Variants in DPYD observed in about 807,000 individuals in gnomAD.
DPYD encodes dihydropyrimidine dehydrogenase.
In DPYD, 109 loss-of-function variants were observed where a neutral mutation model predicts 116.2. That is an observed-to-expected ratio of 0.94 (90% CI 0.80 to 1.10). The LOEUF is 1.10. Among genes scored for constraint, DPYD ranks in the 50% least tolerant of loss-of-function variants. DPYD has a pLI of 0.00. For missense variants in DPYD, 1,302 were observed against 1,254.5 expected (o/e 1.04, Z -0.57); for synonymous variants, 440 against 432.0 (o/e 1.02, Z -0.23).
chr1:97,258,561 G>A (rs372843497), intron 18 of DPYD, among the ~76,000 whole-genome samples: 66 of 152,182 alleles, frequency 4.3e-4, no homozygotes, highest in African/African-American at 1.4e-3. Flanking sequence ...TATTTCCCAA[G>A]ATCAACTCCC....
At chr1:97,188,385 T>C (rs1658141207) in intron 20 of DPYD, among the ~76,000 whole-genome samples, 1 of 152,210 alleles carries the variant, frequency 6.6e-6, no homozygotes, top group South Asian at 2.1e-4. Flanking sequence ...TAATTATACA[T>C]TGACTTTCTT....
intron 19 of DPYD, among the ~76,000 whole-genome samples, chr1:97,233,375 G>A (rs1042865520): frequency 2.6e-5 from 4 of 152,078 alleles, no homozygotes; most frequent in East Asian, 3.9e-4. Flanking sequence ...GGGGGAGGAC[G>A]GACACCTCAT....
intron 2 of DPYD, among the ~76,000 whole-genome samples, chr1:97,838,838 C>T (rs1042549655): frequency 1.3e-5 from 2 of 150,732 alleles, no homozygotes; most frequent in Non-Finnish European, 3.0e-5. Flanking sequence ...GGCGACAGAG[C>T]GAGACTCCGT....
At chr1:97,627,648 G>A (rs982641796) in intron 8 of DPYD, among the ~76,000 whole-genome samples, 2 of 152,012 alleles carry the variant, frequency 1.3e-5, no homozygotes, top group African/African-American at 4.8e-5. Flanking sequence ...CTAGCAACTT[G>A]TAAAATTCCT....
chr1:97,911,066 G>T (rs1673908115), intron 1 of DPYD, among the ~76,000 whole-genome samples: 1 of 151,802 alleles, frequency 6.6e-6, no homozygotes, highest in African/African-American at 2.4e-5. Flanking sequence ...TCACCTAATT[G>T]TTTATTTAAA....
intron 19 of DPYD, among the ~76,000 whole-genome samples, chr1:97,219,395 A>T (rs570705656): frequency 6.6e-6 from 1 of 152,182 alleles, no homozygotes; most frequent in Non-Finnish European, 1.5e-5. Context: ...TTCTGGAAAG[A>T]GATGTGTGTT....
intron 3 of DPYD, among the ~76,000 whole-genome samples, chr1:97,771,803 G>T (rs1392968135): frequency 6.6e-6 from 1 of 152,070 alleles, no homozygotes; most frequent in African/African-American, 2.4e-5. Context: ...AAGGAAAAAA[G>T]CCATTGCTGT....
chr1:97,461,528 A>C (rs2101824564), intron 13 of DPYD, among the ~76,000 whole-genome samples: 1 of 152,310 alleles, frequency 6.6e-6, no homozygotes, highest in South Asian at 2.1e-4. Flanking sequence ...GGAAAGAAAA[A>C]AATGAGGAGG....
intron 3 of DPYD, among the ~76,000 whole-genome samples, chr1:97,748,362 A>G (rs546597496): frequency 6.6e-6 from 1 of 152,280 alleles, no homozygotes; most frequent in African/African-American, 2.4e-5. Context: ...TAATCCTAGC[A>G]CTGTGGGAGG....
intron 11 of DPYD, among the ~76,000 whole-genome samples, chr1:97,550,196 T>G (rs112381637): frequency 5.9e-5 from 9 of 152,276 alleles, no homozygotes; most frequent in African/African-American, 2.2e-4. Context: ...ATCTCCCTTT[T>G]ACAACAAAAC....
chr1:97,604,433 T>C (rs915280721), intron 8 of DPYD, among the ~76,000 whole-genome samples: 1 of 152,108 alleles, frequency 6.6e-6, no homozygotes, highest in African/African-American at 2.4e-5. Flanking sequence ...ATAATTATTT[T>C]ATCTGGTGAT....
At chr1:97,120,814 A>G (rs1405681843) in intron 20 of DPYD, among the ~76,000 whole-genome samples, 1 of 152,214 alleles carries the variant, frequency 6.6e-6, no homozygotes, top group Non-Finnish European at 1.5e-5. Context: ...GAGGGTCTTT[A>G]GCGAGAAAAT....
chr1:97,692,549 C>T (rs1474031629), intron 6 of DPYD, among the ~76,000 whole-genome samples: 1 of 152,172 alleles, frequency 6.6e-6, no homozygotes, highest in African/African-American at 2.4e-5. Flanking sequence ...CATGAATACA[C>T]AGCAATCCAT....
intron 18 of DPYD, among the ~76,000 whole-genome samples, chr1:97,302,860 TA>T: frequency 6.6e-6 from 1 of 152,166 alleles, no homozygotes; most frequent in East Asian, 1.9e-4. Context: ...CTTGATTGCA[TA>T]GTATACTCAT....
At chr1:97,737,099 G>A (rs1042084539) in intron 4 of DPYD, among the ~76,000 whole-genome samples, 8 of 151,902 alleles carry the variant, frequency 5.3e-5, no homozygotes, top group Admixed American at 2.0e-4. Context: ...TGTCTATTAC[G>A]GACATTTTCT....
At chr1:97,792,285 T>A (rs562784978) in intron 3 of DPYD, among the ~76,000 whole-genome samples, 11 of 152,154 alleles carry the variant, frequency 7.2e-5, no homozygotes, top group East Asian at 3.9e-4. Context: ...TTTTATTTTT[T>A]TTTTTTGAGA....
At chr1:97,867,114 A>G (rs1443673810) in intron 2 of DPYD, among the ~76,000 whole-genome samples, 1 of 151,888 alleles carries the variant, frequency 6.6e-6, no homozygotes, top group Non-Finnish European at 1.5e-5. Context: ...TTAGAGTTCA[A>G]TACTGTCATT....
intron 5 of DPYD, among the ~76,000 whole-genome samples, chr1:97,708,045 C>G (rs184900176): frequency 3.0e-4 from 46 of 152,052 alleles, no homozygotes; most frequent in African/African-American, 9.9e-4. Flanking sequence ...CACTATGCTC[C>G]CCAGGCTGGT....
intron 18 of DPYD, among the ~76,000 whole-genome samples, chr1:97,287,579 C>A (rs959284848): frequency 6.6e-6 from 1 of 152,188 alleles, no homozygotes; most frequent in Non-Finnish European, 1.5e-5. Flanking sequence ...TGGTGGGCTC[C>A]ACCCAGTTGG....
Sources: allele counts gnomAD v4.1 joint callset (sites outside exome capture counted in the v4.1 genomes callset), GRCh38; gene constraint gnomAD v4.1.1; transcripts MANE v1.5; gene names NCBI Gene and HGNC (gene_info 2026-07-23, HGNC 2026-07-21).